SSX7: variants seen among roughly 807,000 people sequenced by gnomAD.
SSX7 encodes the protein SSX family member 7.
In SSX7, 15 loss-of-function variants were observed where a neutral mutation model predicts 14.7. That is an observed-to-expected ratio of 1.02 (90% confidence interval 0.68 to 1.58). SSX7 has a LOEUF of 1.58. Among genes scored for constraint, SSX7 ranks in the 40% most tolerant of loss-of-function variants. The pLI, the probability that SSX7 is intolerant of heterozygous loss-of-function variation, is 0.00. For missense variants in SSX7, 178 were observed against 146.8 expected (o/e 1.21, Z -1.10); for synonymous variants, 46 against 50.6 (o/e 0.91, Z 0.38).
In SSX7 at chrX:52,650,379, A is replaced by G. The variant is rs148578012; in HGVS notation, c.304T>C (p.Cys102Arg). 31,950 of 1,208,794 alleles carry G rather than the reference A, an allele frequency of 0.026. 334 individuals are homozygous for G. The highest frequency in any genetic ancestry group is 0.07 in the Middle Eastern group (296 of 4,254). ...TTCGGGAAGATTCTCTGGAGCCTGCAAAAAGTCATCTGAGGACGTTCAACT... is the reference window on the plus strand; with the variant it reads ...TTCGGGAAGATTCTCTGGAGCCTGCGAAAAGTCATCTGAGGACGTTCAACT... ...NQVERPQMTF[C>R]RLQRIFPKIM... The change falls in exon 5 of 8, where the codon TGC (cysteine) becomes CGC (arginine). Residue 102 changes from cysteine (C) to arginine (R), a missense_variant. By Grantham distance (180) the Cys-to-Arg change is radical (BLOSUM62 -3). Coordinates refer to ENST00000298181, the MANE Select transcript of SSX7 (RefSeq NM_173358.2).
intron 7 of SSX7, among the ~76,000 whole-genome samples, chrX:52,644,912 A>G (rs782590246): frequency 5.4e-5 from 6 of 111,178 alleles, no homozygotes; most frequent in South Asian, 7.7e-4. Context: ...GCTGATCTGG[A>G]GTTCGGGAAC....
chrX:52,654,205 CA>C (rs1925527308), intron 1 of SSX7, among the ~76,000 whole-genome samples: 1 of 109,020 alleles, frequency 9.2e-6, no homozygotes. Context: ...AGCTTGAGAC[CA>C]GCCTGGCCAA....
At chrX:52,644,953 G>GAT (rs1556766157) in intron 7 of SSX7, among the ~76,000 whole-genome samples, 1 of 111,143 alleles carries the variant, frequency 9.0e-6, no homozygotes, top group Non-Finnish European at 1.9e-5. Flanking sequence ...AGCATTCCTG[G>GAT]ATATACAGGG....
intron 6 of SSX7, 129 bp downstream of exon 6, chrX:52,648,132 G>A: frequency 2.1e-6 from 2 of 966,600 alleles, no homozygotes; most frequent in South Asian, 2.5e-5. Flanking sequence ...CATCTCATCT[G>A]GAGCTGGGCG....
chrX:52,652,954 T>C lies in SSX7; in HGVS notation c.100A>G (p.Lys34Glu), dbSNP rs1556767233. The part of the protein sequence containing the change: ...SFDDIAKYFS[K>E]KEWEKMKSLE... ...GATTTCATCTTTTCCCACTCTTTCTTAGAGAAGTATTTGGCAATATCATCG... is the reference window on the plus strand; with the variant it reads ...GATTTCATCTTTTCCCACTCTTTCTCAGAGAAGTATTTGGCAATATCATCG... The change falls in exon 3 of 8, where the codon AAG becomes GAG. Residue 34 changes from lysine (K) to glutamate (E), a missense_variant. Lys to Glu is a moderately conservative substitution (Grantham distance 56). Coordinates refer to ENST00000298181, the MANE Select transcript of SSX7 (RefSeq NM_173358.2). 3.7e-5 allele frequency: 44 copies of C among 1,200,350 alleles called. No individual in the cohort carries two copies. The highest frequency in any genetic ancestry group is 5.0e-5 in the Non-Finnish European group (44 of 888,713).
At position 52,650,356 on chromosome X, in the gene SSX7, C is replaced by A; in HGVS notation, c.327G>T (p.Pro109=). The A allele has an allele frequency of 8.3e-7, 1 of 1,209,748 alleles. No individual in the cohort carries two copies. Among genetic ancestry groups the A allele is most frequent in the South Asian group, 1.8e-5 (1 of 56,900 alleles). ...TTTAGATCTGAGAGACACTCACCTT[C>A]GGGAAGATTCTCTGGAGCCTGCAAA... ...MTFCRLQRIF[P]KIMPKKPAEE... Residue 109 remains proline (P), a synonymous_variant, in exon 5 of 8, where the codon CCG becomes CCT. Coordinates refer to ENST00000298181, the MANE Select transcript of SSX7 (RefSeq NM_173358.2).
Position 52,648,314 on chromosome X carries a change from T to G in SSX7, c.413A>C (p.His138Pro). The change falls in exon 6 of 8, where the codon CAC becomes CCC. Residue 138 changes from histidine (H) to proline (P), a missense_variant. His to Pro is a moderately conservative substitution (Grantham distance 77). Transcript: ENST00000298181. The part of the protein sequence containing the change: ...EASGSQNDGK[H>P]LCPPGKPSTS... ...ACTTGGTTTTCCTGGAGGGCACAGG[T>G]GTTTCCCATCGTTCTGTGAGCCAGA... The G allele has an allele frequency of 8.3e-7, 1 of 1,211,762 alleles. No homozygotes were observed. Among genetic ancestry groups the G allele is most frequent in the African/African-American group, 1.7e-5 (1 of 57,852 alleles).
intron 4 of SSX7, among the ~76,000 whole-genome samples, chrX:52,651,696 T>A (rs1425362458): frequency 9.0e-6 from 1 of 110,668 alleles, no homozygotes; most frequent in Non-Finnish European, 1.9e-5. Context: ...GTCAACATGG[T>A]AAAACCCCGT....
intron 5 of SSX7, among the ~76,000 whole-genome samples, chrX:52,650,025 T>C (rs1196947004): frequency 8.9e-6 from 1 of 112,699 alleles, no homozygotes; most frequent in African/African-American, 3.2e-5. Flanking sequence ...GTCACATGGC[T>C]TTTATATGGA....
intron 6 of SSX7, among the ~76,000 whole-genome samples, chrX:52,646,675 G>A (rs1337169215): frequency 2.7e-5 from 3 of 111,942 alleles, no homozygotes; most frequent in Non-Finnish European, 5.6e-5. Flanking sequence ...CTGCTCCACC[G>A]ATGAGCTATT....
chrX:52,650,393 G>T lies in SSX7; in HGVS notation c.290C>A (p.Pro97His), dbSNP rs1925389737. ...DRNQGNQVERPQMTFCRLQRI... is the reference protein window; with the variant it reads ...DRNQGNQVERHQMTFCRLQRI... ...CTGGAGCCTGCAAAAAGTCATCTGA[G>T]GACGTTCAACTGAAAGAGAATATAT... Residue 97 changes from proline (P) to histidine (H), a missense_variant, in exon 5 of 8, where the codon CCT becomes CAT. Coordinates refer to ENST00000298181, the MANE Select transcript of SSX7 (RefSeq NM_173358.2). 1 of 1,208,438 alleles carries T rather than the reference G, an allele frequency of 8.3e-7. No homozygotes were observed. Among genetic ancestry groups the T allele is most frequent in the African/African-American group, 1.7e-5 (1 of 57,268 alleles).
chrX:52,645,130 G>T lies in SSX7; in HGVS notation c.*4+309C>A, dbSNP rs375123657. On this transcript the variant is annotated intron_variant, in intron 7 of 7. Coordinates refer to ENST00000298181, the MANE Select transcript of SSX7 (RefSeq NM_173358.2). The stretch of plus-strand genomic sequence containing the variant: ...CAAAAATACAAAAAAAATTACCCGG[G>T]CGTGGTGGCGGGCACTTGTAGTCCC... 4.5e-5 allele frequency among the ~76,000 whole-genome samples: 5 copies of T among 110,784 alleles called. No homozygotes were observed. The East Asian group carries it at 1.4e-3, about 32-fold the overall frequency.
chrX:52,649,279 T>A (rs782379890), intron 5 of SSX7, among the ~76,000 whole-genome samples: 1 of 111,566 alleles, frequency 9.0e-6, no homozygotes, highest in African/African-American at 3.3e-5. Flanking sequence ...TCCATCCACC[T>A]CAGCCTCCCA....
chrX:52,644,597 C>A lies in SSX7; in HGVS notation c.*78G>T, dbSNP rs1425827215. The A allele has an allele frequency of 2.4e-5, 28 of 1,187,340 alleles. No homozygotes were observed. In the African/African-American group the frequency reaches 4.8e-4, roughly 20 times the overall value. ...GCTATGCACCTGATGACGAGGGGTC[C>A]GCAGCCATGCCCATGTTCGTGAAAG... On this transcript the variant is annotated 3_prime_UTR_variant, in exon 8 of 8. Transcript: ENST00000298181.
Position 52,650,348 on chromosome X carries a change from C to T in SSX7, c.330+5G>A, listed in dbSNP as rs781990502. 6.6e-6 allele frequency: 8 copies of T among 1,209,548 alleles called. No homozygotes were observed. The South Asian group carries it at 1.2e-4, about 19-fold the overall frequency. On this transcript the variant is annotated splice_donor_5th_base_variant and intron_variant, in intron 5 of 7. Transcript: ENST00000298181. ...TCTGGTCCTTTAGATCTGAGAGACA[C>T]TCACCTTCGGGAAGATTCTCTGGAG... is the stretch of plus-strand genomic sequence containing the variant.
At chrX:52,652,780 G>C in intron 3 of SSX7, 90 bp downstream of exon 3, 1 of 865,195 alleles carries the variant, frequency 1.2e-6, no homozygotes, top group Admixed American at 2.8e-5. Flanking sequence ...GAAAATGTGG[G>C]GTACTTTCTG....
Position 52,654,759 on chromosome X carries a change from T to C in SSX7, c.-21+3A>G, listed in dbSNP as rs1242691172. On this transcript the variant is annotated splice_donor_region_variant and intron_variant, in intron 1 of 7. Coordinates refer to ENST00000298181, the MANE Select transcript of SSX7 (RefSeq NM_173358.2). Reference sequence around the variant, plus strand: ...TCAAAAGAGAAAATCAGACCGTGCGTACTCTGAGTATGGAAGAATCGAGAG... The same window carrying C: ...TCAAAAGAGAAAATCAGACCGTGCGCACTCTGAGTATGGAAGAATCGAGAG... The C allele has an allele frequency of 9.0e-6, 1 of 111,481 alleles. No homozygotes were observed. Among genetic ancestry groups the C allele is most frequent in the East Asian group, 2.8e-4 (1 of 3,532 alleles). The allele number at this position is 111,481 out of a possible 1,213,427, so 9.2% of individuals were successfully genotyped here. A position where few individuals can be genotyped will look rare whatever the true frequency, so the allele number is the denominator to read the frequency against.
Position 52,653,442 on chromosome X carries a change from G to T in SSX7, c.31C>A (p.Pro11Thr). 1 of 1,211,473 alleles carries T rather than the reference G, an allele frequency of 8.3e-7. No homozygotes were observed. Among genetic ancestry groups the T allele is most frequent in the Non-Finnish European group, 1.1e-6 (1 of 895,449 alleles). Residue 11 changes from proline to threonine, a missense_variant, in exon 2 of 8, where the codon CCT becomes ACT. Physicochemically the swap from Pro to Thr is conservative, Grantham distance 38. Coordinates refer to ENST00000298181, the MANE Select transcript of SSX7 (RefSeq NM_173358.2). MNGDDAFARRPRAGAQIPEKI... is the reference protein window; with the variant it reads MNGDDAFARRTRAGAQIPEKI... ...TCTGGTATTTGAGCACCAGCCCTAG[G>T]TCTCCTTGCAAAGGCGTCGTCTCCG...
chrX:52,651,704 C>G (rs1239610732), intron 4 of SSX7, among the ~76,000 whole-genome samples: 1 of 110,915 alleles, frequency 9.0e-6, no homozygotes, highest in African/African-American at 3.3e-5. Flanking sequence ...GGTAAAACCC[C>G]GTCTCTACCA....
Sources: allele counts gnomAD v4.1 joint callset (sites outside exome capture counted in the v4.1 genomes callset), GRCh38; gene constraint gnomAD v4.1.1; transcripts MANE v1.5; gene names NCBI Gene and HGNC (gene_info 2026-07-23, HGNC 2026-07-21).